Variants in USP43 observed in about 807,000 individuals in gnomAD.
The protein encoded by USP43 is ubiquitin specific peptidase 43.
USP43 carries 33 observed loss-of-function variants against 90.7 expected under a neutral mutation model. That is an observed-to-expected ratio of 0.36 (90% CI 0.28 to 0.49). The LOEUF is 0.49. Among genes scored for constraint, USP43 ranks in the 20% least tolerant of loss-of-function variants. The probability of loss-of-function intolerance (pLI) is 0.98; values close to 1 mark genes in which losing one functional copy is unlikely to be tolerated. For synonymous variants in USP43, 598 were observed against 615.8 expected (o/e 0.97, Z 0.43); for missense variants, 1,274 against 1,476.4 (o/e 0.86, Z 2.25).
intron 1 of USP43, among the ~76,000 whole-genome samples, chr17:9,649,768 C>T (rs73255718): frequency 0.057 from 8,517 of 150,512 alleles, 691 homozygotes; most frequent in African/African-American, 0.19. Flanking sequence ...TATACTGATA[C>T]GTTTCAAGGT....
intron 6 of USP43, among the ~76,000 whole-genome samples, chr17:9,680,994 A>G (rs1914132165): frequency 7.1e-6 from 1 of 140,952 alleles, no homozygotes; most frequent in Non-Finnish European, 1.5e-5. Context: ...CCATATATAT[A>G]TTATATATTA....
chr17:9,720,379 T>A (rs1274387836), intron 14 of USP43, among the ~76,000 whole-genome samples: 1 of 149,728 alleles, frequency 6.7e-6, no homozygotes, highest in Non-Finnish European at 1.5e-5. Context: ...TTTTTTTTTT[T>A]AATTCTTACT....
In USP43 at chr17:9,728,819, C is replaced by T; in HGVS notation, c.3201C>T (p.Pro1067=). The part of the protein sequence containing the change: ...SRLERDVWSA[P]SSLRLPRKAS... ...TCGAGAGGGATGTCTGGTCAGCCCC[C>T]AGCTCTCTCCGCCTCCCTCGTAAAG... is the stretch of plus-strand genomic sequence containing the variant. Residue 1067 remains proline, a synonymous_variant, in exon 15 of 15, where the codon CCC becomes CCT. Coordinates refer to ENST00000285199, the MANE Select transcript of USP43 (RefSeq NM_153210.5). The surrounding 1 kb of genome is among the most constrained non-coding windows in gnomAD (Gnocchi z 6.2). 1.9e-5 allele frequency: 30 copies of T among 1,613,604 alleles called. No homozygotes were observed. Among genetic ancestry groups the T allele is most frequent in the South Asian group, 4.4e-5 (4 of 91,044 alleles).
At chr17:9,720,919 G>A (rs2152001035) in intron 14 of USP43, among the ~76,000 whole-genome samples, 1 of 152,306 alleles carries the variant, frequency 6.6e-6, no homozygotes, top group South Asian at 2.1e-4. Flanking sequence ...ACTGCAAAGT[G>A]CCAGCAGCTC....
At chr17:9,726,994 T>C (rs1223210352) in intron 14 of USP43, among the ~76,000 whole-genome samples, 1 of 150,996 alleles carries the variant, frequency 6.6e-6, no homozygotes, top group African/African-American at 2.4e-5. Context: ...GGAGATGGAG[T>C]CTTGCTCTGT....
rs201643008 is a variant in USP43, at chr17:9,710,022, G to C, written c.2078G>C (p.Arg693Pro). 6.4e-7 allele frequency: 1 copy of C among 1,572,632 alleles called. No individual in the cohort carries two copies. Among genetic ancestry groups the C allele is most frequent in the Non-Finnish European group, 8.6e-7 (1 of 1,159,146 alleles). The change falls in exon 13 of 15, where the codon CGA (arginine) becomes CCA (proline). Residue 693 changes from arginine to proline, a missense_variant. Physicochemically the swap from Arg to Pro is moderately radical, Grantham distance 103. This residue lies in a region of USP43 where 285 missense variants were observed against 349.6 expected (regional missense o/e 0.82). Transcript: ENST00000285199. The part of the protein sequence containing the change: ...SYDDSTVEPL[R>P]EDEVNTRGAY... ...GATGACAGCACGGTGGAACCGCTTC[G>C]AGAAGATGAGGTCAACACCAGAGGG...
Position 9,646,104 on chromosome 17 carries a change from G to C in USP43, c.472G>C (p.Glu158Gln). Residue 158 changes from glutamate to glutamine, a missense_variant, in exon 1 of 15, where the codon GAA becomes CAA. Transcript: ENST00000285199. The part of the protein sequence containing the change: ...AALVRALWTR[E>Q]YTPQLSAEFK... ...GCTGGTGCGCGCGCTCTGGACTCGC[G>C]AATACACGCCCCAACTTTCCGCGGA... is the stretch of plus-strand genomic sequence containing the variant. The C allele has an allele frequency of 3.3e-6, 5 of 1,498,194 alleles. No homozygotes were observed. The highest frequency in any genetic ancestry group is 3.6e-6 in the Non-Finnish European group (4 of 1,124,564). 92.8% of individuals were successfully genotyped at this position (1,498,194 alleles called of 1,614,324 possible).
rs564012461 is a variant in USP43, at chr17:9,654,267, T to C, written c.505-2136T>C. 9.2e-5 allele frequency among the ~76,000 whole-genome samples: 14 copies of C among 152,350 alleles called. No homozygotes were observed. The South Asian group carries it at 2.7e-3, about 29-fold the overall frequency. On this transcript the variant is annotated intron_variant, in intron 1 of 14. Transcript: ENST00000285199. The stretch of plus-strand genomic sequence containing the variant: ...CTACTAAAAACATATTCATTGTTTA[T>C]GTGAAATTCAAATCTATCTGAGCAT...
chr17:9,668,495 A>C (rs1913187905), intron 3 of USP43, among the ~76,000 whole-genome samples: 1 of 152,246 alleles, frequency 6.6e-6, no homozygotes, highest in South Asian at 2.1e-4. Context: ...TAGGAAGACC[A>C]AATAGTCTTT....
rs537065721 is a variant in USP43, at chr17:9,701,051, A to G, written c.1536-68A>G. ...GTCTGCTGACGGGTTTGCTGTGAGT[A>G]GAGACATAGACGAAACCTGTCTGGG... is the stretch of plus-strand genomic sequence containing the variant. On this transcript the variant is annotated intron_variant, in intron 10 of 14. Transcript: ENST00000285199. This position sits in a 1 kb window ranked among gnomAD's most constrained non-coding sequence, Gnocchi z 7.2. 2.8e-6 allele frequency: 4 copies of G among 1,422,654 alleles called. No individual in the cohort carries two copies. In the South Asian group the frequency reaches 5.1e-5, roughly 18 times the overall value. 88.1% of individuals were successfully genotyped at this position (1,422,654 alleles called of 1,614,324 possible).
intron 3 of USP43, among the ~76,000 whole-genome samples, chr17:9,668,971 G>A (rs1467398136): frequency 1.3e-5 from 2 of 151,632 alleles, no homozygotes; most frequent in Admixed American, 6.6e-5. Context: ...GAGTAGCTGG[G>A]ATTACAGGTG....
At chr17:9,645,358 G>GA (rs1202678661), upstream of USP43, 2 of 244,088 alleles carry the variant, frequency 8.2e-6, no homozygotes, top group African/African-American at 4.5e-5. The surrounding 1 kb of genome is among the most constrained non-coding windows in gnomAD (Gnocchi z 6.8). Context: ...GAAGGGTGGG[G>GA]AATCCGACCA....
At chr17:9,689,412 A>ATT (rs113416848) in intron 8 of USP43, among the ~76,000 whole-genome samples, 2 of 146,776 alleles carry the variant, frequency 1.4e-5, no homozygotes. Context: ...ATCAATGCCA[A>ATT]TTTTTTTTTT....
chr17:9,728,676 G>C lies in USP43; in HGVS notation c.3058G>C (p.Val1020Leu). ...TGAGAGGGCAGAGGTCTCTCCACAG[G>C]TGCCCCCCGTCTCCCTGGTGAGTGG... Reference protein sequence around the residue: ...RNERAEVSPQVPPVSLVSGGL... With the variant: ...RNERAEVSPQLPPVSLVSGGL... The change falls in exon 15 of 15, where the codon GTG becomes CTG. Residue 1020 changes from valine (V) to leucine (L), a missense_variant. Physicochemically the swap from Val to Leu is conservative, Grantham distance 32 (BLOSUM62 1). This residue lies in a region of USP43 where 353 missense variants were observed against 329.7 expected (regional missense o/e 1.07). Coordinates refer to ENST00000285199, the MANE Select transcript of USP43 (RefSeq NM_153210.5). This position sits in a 1 kb window ranked among gnomAD's most constrained non-coding sequence, Gnocchi z 6.2. The C allele has an allele frequency of 6.2e-7, 1 of 1,612,862 alleles. No individual in the cohort carries two copies. The highest frequency in any genetic ancestry group is 8.5e-7 in the Non-Finnish European group (1 of 1,179,564).
chr17:9,697,908 C>G (rs1374702642), intron 9 of USP43, among the ~76,000 whole-genome samples: 1 of 152,174 alleles, frequency 6.6e-6, no homozygotes, highest in East Asian at 1.9e-4. Context: ...TTTGAGAAAT[C>G]ATCATACTTT....
At chr17:9,666,813 A>G in intron 3 of USP43, 62 bp downstream of exon 3, 1 of 1,322,566 alleles carries the variant, frequency 7.6e-7, no homozygotes, top group East Asian at 2.4e-5. Context: ...ATTCCTGGTA[A>G]CCAGTCTCCC....
intron 5 of USP43, among the ~76,000 whole-genome samples, chr17:9,678,278 C>T (rs930065115): frequency 6.6e-6 from 1 of 152,066 alleles, no homozygotes; most frequent in African/African-American, 2.4e-5. Context: ...TATTTTGATG[C>T]TTTGTTTTCT....
chr17:9,710,053 T>C lies in USP43; in HGVS notation c.2109T>C (p.Tyr703=), dbSNP rs769688556. The C allele has an allele frequency of 2.6e-6, 4 of 1,567,982 alleles. No individual in the cohort carries two copies. The highest frequency in any genetic ancestry group is 2.6e-6 in the Non-Finnish European group (3 of 1,156,618). ...REDEVNTRGA[Y]ILFYQKRNSI... Reference sequence around the variant, plus strand: ...ATGAGGTCAACACCAGAGGGGCTTATATCCTGTTCTATCAGAAGCGGAACA... The same window carrying C: ...ATGAGGTCAACACCAGAGGGGCTTACATCCTGTTCTATCAGAAGCGGAACA... The change falls in exon 13 of 15, where the codon TAT becomes TAC. Residue 703 remains tyrosine (Y), a synonymous_variant. Coordinates refer to ENST00000285199, the MANE Select transcript of USP43 (RefSeq NM_153210.5).
intron 1 of USP43, chr17:9,647,400 G>T (rs1443043837): frequency 6.6e-6 from 1 of 152,134 alleles, no homozygotes; most frequent in East Asian, 1.9e-4. Flanking sequence ...TAGTATAGTG[G>T]TTAAGAGCAA....
Sources: allele counts gnomAD v4.1 joint callset (sites outside exome capture counted in the v4.1 genomes callset), GRCh38; gene constraint gnomAD v4.1.1; regional missense constraint gnomAD v4.1.1; non-coding constraint Gnocchi (gnomAD v3.1); transcripts MANE v1.5; gene names NCBI Gene and HGNC (gene_info 2026-07-23, HGNC 2026-07-21).